The following SPOCK1 variants were observed in gnomAD, a reference collection of about 807,000 sequenced individuals.
The protein encoded by SPOCK1 is testican-1.
In SPOCK1, 23 loss-of-function variants were observed where a neutral mutation model predicts 55.3. That is an observed-to-expected ratio of 0.42 (90% CI 0.30 to 0.59). SPOCK1 has a LOEUF of 0.59. Among genes scored for constraint, SPOCK1 ranks in the 20% least tolerant of loss-of-function variants. The pLI is 0.22. For missense variants in SPOCK1, 499 were observed against 552.5 expected (o/e 0.90, Z 0.97); for synonymous variants, 226 against 221.0 (o/e 1.02, Z -0.20).
intron 2 of SPOCK1, among the ~76,000 whole-genome samples, chr5:137,438,356 G>A (rs1048628720): frequency 2.0e-5 from 3 of 152,074 alleles, no homozygotes; most frequent in African/African-American, 7.2e-5. Flanking sequence ...AATGGGATAT[G>A]GGAAAGGGAG....
At chr5:137,427,678 G>A (rs1027140591) in intron 2 of SPOCK1, among the ~76,000 whole-genome samples, 4 of 152,160 alleles carry the variant, frequency 2.6e-5, no homozygotes, top group Non-Finnish European at 5.9e-5. Flanking sequence ...GGGAGGCTGA[G>A]GCGGGTGGAT....
intron 3 of SPOCK1, among the ~76,000 whole-genome samples, chr5:137,199,052 C>T (rs1448125202): frequency 1.3e-5 from 2 of 152,202 alleles, no homozygotes; most frequent in African/African-American, 4.8e-5. Context: ...TTATTTATGA[C>T]TTGTGGATTC....
At chr5:137,429,211 C>T (rs928460788) in intron 2 of SPOCK1, among the ~76,000 whole-genome samples, 7 of 152,146 alleles carry the variant, frequency 4.6e-5, no homozygotes, top group Non-Finnish European at 1.0e-4. Flanking sequence ...CTTTCTCAGG[C>T]TGCTGTGTCT....
At chr5:137,272,497 C>G (rs1172748264) in intron 2 of SPOCK1, among the ~76,000 whole-genome samples, 4 of 152,174 alleles carry the variant, frequency 2.6e-5, no homozygotes. Context: ...CACAACTACC[C>G]TACCTCTGAG....
At chr5:137,337,810 C>A (rs1005922430) in intron 2 of SPOCK1, among the ~76,000 whole-genome samples, 1 of 152,198 alleles carries the variant, frequency 6.6e-6, no homozygotes, top group Non-Finnish European at 1.5e-5. Flanking sequence ...ATTGAAGAAG[C>A]ATTCATAAAC....
intron 2 of SPOCK1, among the ~76,000 whole-genome samples, chr5:137,301,636 CTTTT>C (rs34828127): frequency 7.7e-6 from 1 of 129,798 alleles, no homozygotes; most frequent in Non-Finnish European, 1.6e-5. Context: ...ATTTCGTCTC[CTTTT>C]TTTTTTTTTT....
At chr5:136,993,270 A>ATCCAGACAGATGGATGG in intron 6 of SPOCK1, 1 of 152,462 alleles carries the variant, frequency 6.6e-6, no homozygotes, top group African/African-American at 2.4e-5. Flanking sequence ...GAACAAGAAA[A>ATCCAGACAGATGGATGG]TCCAGACAGA....
chr5:137,083,657 G>A (rs570838149), intron 5 of SPOCK1, among the ~76,000 whole-genome samples: 1 of 152,248 alleles, frequency 6.6e-6, no homozygotes, highest in South Asian at 2.1e-4. Flanking sequence ...TGTGTGTGAA[G>A]TACTTAACAC....
At chr5:137,390,920 G>C (rs1403980508) in intron 2 of SPOCK1, among the ~76,000 whole-genome samples, 1 of 152,116 alleles carries the variant, frequency 6.6e-6, no homozygotes, top group Non-Finnish European at 1.5e-5. Flanking sequence ...TTTAAGTTCT[G>C]GGATACATGT....
chr5:137,182,187 A>G (rs1754982473), intron 3 of SPOCK1, among the ~76,000 whole-genome samples: 1 of 152,172 alleles, frequency 6.6e-6, no homozygotes, highest in Admixed American at 6.5e-5. Context: ...ATTGCTCAGT[A>G]GGACCCATCT....
intron 2 of SPOCK1, among the ~76,000 whole-genome samples, chr5:137,404,015 G>T (rs1027843645): frequency 1.3e-5 from 2 of 152,180 alleles, no homozygotes; most frequent in African/African-American, 4.8e-5. Context: ...AGACAGGCCT[G>T]CTGGTAGATG....
chr5:137,492,264 G>A (rs979411494), intron 2 of SPOCK1, among the ~76,000 whole-genome samples: 1 of 152,178 alleles, frequency 6.6e-6, no homozygotes, highest in East Asian at 1.9e-4. Context: ...GGAGGAATGG[G>A]TGCCTAACGC....
intron 2 of SPOCK1, among the ~76,000 whole-genome samples, chr5:137,449,905 AAAAAAAAAAAAAG>A (rs1753217207): frequency 1.4e-5 from 2 of 145,042 alleles, no homozygotes; most frequent in South Asian, 2.1e-4. Context: ...AAAAAAAAAA[AAAAAAAAAAAAAG>A]AAAGAAAGAA....
intron 6 of SPOCK1, among the ~76,000 whole-genome samples, chr5:137,005,313 C>T (rs1342009479): frequency 6.9e-6 from 1 of 144,906 alleles, no homozygotes; most frequent in African/African-American, 2.5e-5. Context: ...TAACTTATTC[C>T]AATAATAGCT....
intron 3 of SPOCK1, among the ~76,000 whole-genome samples, chr5:137,184,814 C>T (rs1248257377): frequency 6.6e-6 from 1 of 152,102 alleles, no homozygotes; most frequent in Non-Finnish European, 1.5e-5. Flanking sequence ...CCCTCCTGAC[C>T]CTTGCTCTCA....
chr5:137,318,068 A>T (rs996696323), intron 2 of SPOCK1, among the ~76,000 whole-genome samples: 9 of 152,212 alleles, frequency 5.9e-5, no homozygotes, highest in South Asian at 2.1e-4. Context: ...AGACACCTGC[A>T]ACCAGTGAAG....
intron 3 of SPOCK1, among the ~76,000 whole-genome samples, chr5:137,214,690 T>A (rs1468866080): frequency 6.6e-6 from 1 of 152,106 alleles, no homozygotes. Flanking sequence ...AGTGTCAGGA[T>A]ACAAATGAGA....
At chr5:137,339,379 G>A (rs1750362805) in intron 2 of SPOCK1, among the ~76,000 whole-genome samples, 1 of 152,240 alleles carries the variant, frequency 6.6e-6, no homozygotes, top group African/African-American at 2.4e-5. Context: ...TGAGATACTT[G>A]CCAGAATGGC....
At chr5:137,194,020 T>C (rs1353240276) in intron 3 of SPOCK1, among the ~76,000 whole-genome samples, 1 of 152,128 alleles carries the variant, frequency 6.6e-6, no homozygotes, top group Non-Finnish European at 1.5e-5. Flanking sequence ...TGGGGTCAGC[T>C]CTCCTCCCCT....
Sources: allele counts gnomAD v4.1 joint callset (sites outside exome capture counted in the v4.1 genomes callset), GRCh38; gene constraint gnomAD v4.1.1; transcripts MANE v1.5; gene names NCBI Gene and HGNC (gene_info 2026-07-23, HGNC 2026-07-21).